The following NYAP2 variants were observed in gnomAD, a reference collection of about 807,000 sequenced individuals.
NYAP2 encodes neuronal tyrosine-phosphorylated phosphoinositide-3-kinase adaptor 2.
A neutral mutation model predicts 50.4 loss-of-function variants in NYAP2; 23 were observed. That is an observed-to-expected ratio of 0.46 (90% CI 0.33 to 0.65). NYAP2 has a LOEUF of 0.65. Among genes scored for constraint, NYAP2 ranks in the 30% least tolerant of loss-of-function variants. The pLI is 0.02. For synonymous variants in NYAP2, 394 were observed against 365.2 expected, an observed-to-expected ratio of 1.08 and a Z score of -0.90; for missense variants, 885 against 861.0, an observed-to-expected ratio of 1.03 and a Z score of -0.35.
At chr2:225,701,638 C>T in the NYAP2 span, 7 of 151,674 alleles carry the variant, frequency 4.6e-5, no homozygotes, top group Admixed American at 2.6e-4. Context: ...GCAAGCTTGG[C>T]GCCAAATGTG....
chr2:225,521,925 G>A (rs1322591295), intron 4 of NYAP2, among the ~76,000 whole-genome samples: 5 of 152,058 alleles, frequency 3.3e-5, no homozygotes, highest in African/African-American at 1.2e-4. Context: ...TTGTTGGTAA[G>A]CTATTGATTA....
intron 5 of NYAP2, among the ~76,000 whole-genome samples, chr2:225,602,349 G>A (rs1205263629): frequency 6.6e-6 from 1 of 152,206 alleles, no homozygotes; most frequent in East Asian, 1.9e-4. Flanking sequence ...ACGTGAAGGG[G>A]AGAGAAATAT....
At chr2:225,567,341 A>G (rs1367614621) in intron 4 of NYAP2, among the ~76,000 whole-genome samples, 1 of 152,052 alleles carries the variant, frequency 6.6e-6, no homozygotes, top group Non-Finnish European at 1.5e-5. Context: ...AAAAAAGAAA[A>G]TTTGAAGGGA....
At chr2:225,638,272 A>G (rs943004777) in intron 6 of NYAP2, among the ~76,000 whole-genome samples, 2 of 151,774 alleles carry the variant, frequency 1.3e-5, no homozygotes, top group African/African-American at 4.8e-5. Context: ...AAGAGGGGTG[A>G]GAAGTGTCTC....
At chr2:225,627,273 A>G in intron 6 of NYAP2, 147 bp downstream of exon 6, 1 of 660,550 alleles carries the variant, frequency 1.5e-6, no homozygotes, top group East Asian at 2.7e-5. Context: ...TAGGTTACAT[A>G]AAGGGATATA....
At chr2:225,483,159 C>T (rs1370620035) in intron 3 of NYAP2, among the ~76,000 whole-genome samples, 1 of 151,998 alleles carries the variant, frequency 6.6e-6, no homozygotes, top group African/African-American at 2.4e-5. Context: ...GTATCATATA[C>T]TTAAATATGT....
chr2:225,600,224 G>GGA (rs1359854237), intron 5 of NYAP2, among the ~76,000 whole-genome samples: 1 of 152,094 alleles, frequency 6.6e-6, no homozygotes, highest in Non-Finnish European at 1.5e-5. Context: ...TGCTGAGTAA[G>GGA]TTCCTGAGTG....
chr2:225,515,342 T>C (rs961035446), intron 4 of NYAP2, among the ~76,000 whole-genome samples: 3 of 152,232 alleles, frequency 2.0e-5, no homozygotes, highest in Non-Finnish European at 4.4e-5. Flanking sequence ...TTCCATGGTG[T>C]GCAATTTGTC....
chr2:225,663,377 A>G, the NYAP2 span, among the ~76,000 whole-genome samples: 1 of 152,124 alleles, frequency 6.6e-6, no homozygotes, highest in Non-Finnish European at 1.5e-5. Context: ...GAGTTCCTCC[A>G]TGCAAAATAC....
At chr2:225,402,901 T>C (rs998655769) in intron 2 of NYAP2, among the ~76,000 whole-genome samples, 6 of 152,044 alleles carry the variant, frequency 3.9e-5, no homozygotes, top group African/African-American at 1.4e-4. Flanking sequence ...GGTTTACATG[T>C]GTTATGGGTT....
At chr2:225,455,913 G>A (rs577241882) in intron 3 of NYAP2, among the ~76,000 whole-genome samples, 256 of 152,216 alleles carry the variant, frequency 1.7e-3, no homozygotes, top group Non-Finnish European at 1.2e-3. Context: ...TAGACCTGCC[G>A]TTAGAAAATA....
intron 3 of NYAP2, among the ~76,000 whole-genome samples, chr2:225,475,880 A>G (rs1690096085): frequency 6.6e-6 from 1 of 152,212 alleles, no homozygotes; most frequent in Admixed American, 6.5e-5. Flanking sequence ...AGAACATGGC[A>G]CCTTATGGAA....
intron 5 of NYAP2, among the ~76,000 whole-genome samples, chr2:225,624,920 C>T (rs568957711): frequency 7.9e-5 from 12 of 151,852 alleles, no homozygotes; most frequent in South Asian, 6.2e-4. Flanking sequence ...ATTCCTGACC[C>T]GGACTGCTCA....
chr2:225,520,369 A>T (rs1470179140), intron 4 of NYAP2, among the ~76,000 whole-genome samples: 2 of 151,894 alleles, frequency 1.3e-5, no homozygotes, highest in African/African-American at 4.8e-5. Context: ...CTGAATGGTA[A>T]TGCCTAGGTT....
At chr2:225,400,402 A>C (rs1694841333) in intron 1 of NYAP2, 147 bp downstream of exon 1, 1 of 151,638 alleles carries the variant, frequency 6.6e-6, no homozygotes, top group African/African-American at 2.4e-5. Context: ...TGAGAGAGAG[A>C]GAGCTGGTTG....
intron 5 of NYAP2, among the ~76,000 whole-genome samples, chr2:225,623,808 G>C (rs1280020651): frequency 6.6e-6 from 1 of 152,142 alleles, no homozygotes; most frequent in Non-Finnish European, 1.5e-5. Context: ...ACATAGCAGA[G>C]AAGGCATATT....
chr2:225,436,016 A>G lies in NYAP2; in HGVS notation c.221+26915A>G, dbSNP rs151268955. On this transcript the variant is annotated intron_variant, in intron 3 of 6. Coordinates refer to ENST00000636099, the Ensembl canonical transcript of NYAP2. ...TATTAAGAACTAGGAAATATAAGAT[A>G]AAATTATTTATTGATCACCTACTAG... Among the ~76,000 whole-genome samples, 365 of 152,350 alleles carry G rather than the reference A, an allele frequency of 2.4e-3. 2 individuals are homozygous for G. The highest frequency in any genetic ancestry group is 8.4e-3 in the African/African-American group (349 of 41,572).
chr2:225,470,777 A>G (rs1188029814), intron 3 of NYAP2, among the ~76,000 whole-genome samples: 1 of 151,886 alleles, frequency 6.6e-6, no homozygotes, highest in African/African-American at 2.4e-5. Context: ...GATTTTACAT[A>G]TACAGATCTT....
At chr2:225,563,565 G>A (rs1483039079) in intron 4 of NYAP2, among the ~76,000 whole-genome samples, 2 of 151,990 alleles carry the variant, frequency 1.3e-5, no homozygotes, top group East Asian at 1.9e-4. Flanking sequence ...TAAAGGAATG[G>A]GTTCGTGACA....
Sources: allele counts gnomAD v4.1 joint callset (sites outside exome capture counted in the v4.1 genomes callset), GRCh38; gene constraint gnomAD v4.1.1; transcripts MANE v1.5; gene names NCBI Gene and HGNC (gene_info 2026-07-23, HGNC 2026-07-21).